PRH1: variants seen among roughly 807,000 people sequenced by gnomAD.
The protein encoded by PRH1 is proline rich protein HaeIII subfamily 1, also known as salivary acidic proline-rich phosphoprotein 1/2.
PRH1 carries 7 observed loss-of-function variants against 7.9 expected under a neutral mutation model. The observed-to-expected ratio is 0.89, with a 90% CI of 0.50 to 1.67. The LOEUF is 1.67. Ranked by LOEUF, PRH1 falls within the 40% of genes most tolerant of loss-of-function variation. The probability of loss-of-function intolerance (pLI) is 0.00; values close to 1 mark genes in which losing one functional copy is unlikely to be tolerated. For missense variants in PRH1, 109 were observed against 223.6 expected, an observed-to-expected ratio of 0.49 and a Z score of 3.27; for synonymous variants, 45 against 80.8, an observed-to-expected ratio of 0.56 and a Z score of 2.38.
intron 1 of PRH1, chr12:10,985,840 C>T (rs1939586749): frequency 8.8e-7 from 1 of 1,130,794 alleles, no homozygotes; most frequent in Non-Finnish European, 1.3e-6. Flanking sequence ...AAAACATACA[C>T]TACAGAAAAA....
chr12:11,072,486 C>G (rs1272746433), intron 1 of PRH1, among the ~76,000 whole-genome samples: 1 of 152,226 alleles, frequency 6.6e-6, no homozygotes, highest in Admixed American at 6.5e-5. Flanking sequence ...CAAGGCGAAG[C>G]CTGCGAAATT....
chr12:10,907,818 A>T (rs1215505040), intron 2 of PRH1: 2 of 152,402 alleles, frequency 1.3e-5, no homozygotes, highest in Non-Finnish European at 1.5e-5. Flanking sequence ...GTATGTACAC[A>T]TACATACAAT....
intron 1 of PRH1, chr12:11,031,477 T>C: frequency 1.0e-6 from 1 of 1,003,558 alleles, no homozygotes; most frequent in Non-Finnish European, 1.4e-6. Flanking sequence ...AAAGATGGCA[T>C]GGACCCAAAG....
chr12:10,888,453 T>C (rs1458636892), upstream of PRH1, among the ~76,000 whole-genome samples: 1 of 152,212 alleles, frequency 6.6e-6, no homozygotes, highest in Non-Finnish European at 1.5e-5. Flanking sequence ...TGCATGAGAA[T>C]ATGAATGAGT....
chr12:11,048,311 T>C (rs1942991891), upstream of PRH1: 2 of 245,786 alleles, frequency 8.1e-6, no homozygotes, highest in Non-Finnish European at 1.7e-5. Context: ...AGATACACAA[T>C]GCTCCCTTTG....
At chr12:10,912,537 A>G (rs1457946866) in intron 2 of PRH1, among the ~76,000 whole-genome samples, 1 of 151,848 alleles carries the variant, frequency 6.6e-6, no homozygotes, top group Non-Finnish European at 1.5e-5. Context: ...GTCTTGGTCG[A>G]TCTTTTCAGA....
chr12:10,959,259 A>G (rs1317927784), intron 2 of PRH1, among the ~76,000 whole-genome samples: 5 of 152,122 alleles, frequency 3.3e-5, no homozygotes. Context: ...TTGGGGGAAG[A>G]GCAGTATTTT....
downstream of PRH1, among the ~76,000 whole-genome samples, chr12:11,116,317 C>T (rs1945730146): frequency 6.6e-6 from 1 of 151,872 alleles, no homozygotes; most frequent in Admixed American, 6.6e-5. Flanking sequence ...GCACATACAA[C>T]CTACAAAGAT....
chr12:10,886,042 C>T (rs964403877), upstream of PRH1, among the ~76,000 whole-genome samples: 7 of 152,220 alleles, frequency 4.6e-5, no homozygotes, highest in Admixed American at 1.3e-4. Flanking sequence ...GGGGGGAATG[C>T]ATTCTTAATT....
intron 1 of PRH1, chr12:10,986,874 AAAAG>A (rs771151051): frequency 1.4e-6 from 2 of 1,478,020 alleles, no homozygotes; most frequent in Non-Finnish European, 1.8e-6. Context: ...TGAGCAGAAA[AAAAG>A]AAAGAAAATG....
intron 1 of PRH1, among the ~76,000 whole-genome samples, chr12:11,013,625 A>G (rs1463378230): frequency 1.3e-5 from 2 of 152,168 alleles, no homozygotes; most frequent in Non-Finnish European, 2.9e-5. Context: ...CCTGCCTATC[A>G]ATCTATTGAT....
intron 2 of PRH1, chr12:10,909,279 C>T (rs1412288235): frequency 6.2e-7 from 1 of 1,612,338 alleles, no homozygotes; most frequent in South Asian, 1.1e-5. Context: ...AGTGAAGATA[C>T]TCGGCAGGGC....
intron 1 of PRH1, among the ~76,000 whole-genome samples, chr12:11,018,010 C>A (rs1388325892): frequency 2.0e-5 from 3 of 152,146 alleles, no homozygotes; most frequent in Non-Finnish European, 2.9e-5. Context: ...TGCAAAGACT[C>A]CTGGTTTCAA....
intron 1 of PRH1, among the ~76,000 whole-genome samples, chr12:11,054,524 C>T (rs943200235): frequency 3.9e-5 from 6 of 152,122 alleles, no homozygotes; most frequent in East Asian, 1.9e-4. Context: ...TAATTCTTCT[C>T]TAATATTCAA....
intron 1 of PRH1, among the ~76,000 whole-genome samples, chr12:11,019,056 T>C (rs904445272): frequency 5.3e-5 from 8 of 152,280 alleles, no homozygotes; most frequent in Non-Finnish European, 1.0e-4. Context: ...TTAGTGTGAC[T>C]TTCCCAAACA....
downstream of PRH1, among the ~76,000 whole-genome samples, chr12:11,120,631 T>C (rs900711871): frequency 5.3e-5 from 8 of 152,160 alleles, no homozygotes; most frequent in Admixed American, 1.3e-4. Context: ...TTGTTCATTC[T>C]CCATTGCCTT....
intron 2 of PRH1, chr12:10,964,722 A>AG: frequency 1.6e-6 from 1 of 638,678 alleles, no homozygotes; most frequent in East Asian, 4.0e-5. Flanking sequence ...TTGCCATGGA[A>AG]CTGCATCTTC....
At chr12:11,031,784 G>A (rs962908127) in intron 1 of PRH1, among the ~76,000 whole-genome samples, 15 of 152,160 alleles carry the variant, frequency 9.9e-5, no homozygotes, top group East Asian at 5.8e-4. Context: ...ACTGTTTGGT[G>A]CATTTTACAA....
intron 1 of PRH1, among the ~76,000 whole-genome samples, chr12:11,126,654 T>C (rs1159562573): frequency 2.0e-5 from 3 of 152,202 alleles, no homozygotes; most frequent in Non-Finnish European, 4.4e-5. Context: ...AATCAGATAA[T>C]GCCATACTCA....
Sources: allele counts gnomAD v4.1 joint callset (sites outside exome capture counted in the v4.1 genomes callset), GRCh38; gene constraint gnomAD v4.1.1; transcripts MANE v1.5; gene names NCBI Gene and HGNC (gene_info 2026-07-23, HGNC 2026-07-21).